MYOM2: variants seen among roughly 807,000 people sequenced by gnomAD.
The protein encoded by MYOM2 is myomesin 2.
MYOM2 carries 254 observed loss-of-function variants against 187.6 expected under a neutral mutation model. The ratio of observed to expected loss-of-function variants is 1.35; its 90% confidence interval spans 1.22 to 1.50. MYOM2 has a LOEUF of 1.50. Ranked by LOEUF, MYOM2 falls within the 40% of genes most tolerant of loss-of-function variation. The pLI is 0.00. For synonymous variants in MYOM2, 981 were observed against 753.8 expected, an observed-to-expected ratio of 1.30 and a Z score of -4.94; for missense variants, 2,796 against 1,924.0, an observed-to-expected ratio of 1.45 and a Z score of -8.48.
rs115410551 is a variant in MYOM2, at chr8:2,135,537, C to T, written c.3801-5186C>T. On this transcript the variant is annotated intron_variant, in intron 32 of 36. Transcript: ENST00000262113. ...ACCTGCCCCCGCCCCTTACCTGTCTCCTTCCTACCTACCCCGTCACAGTTG... is the reference window on the plus strand; with the variant it reads ...ACCTGCCCCCGCCCCTTACCTGTCTTCTTCCTACCTACCCCGTCACAGTTG... Among the ~76,000 whole-genome samples, 1,001 of 152,242 alleles carry T rather than the reference C, an allele frequency of 6.6e-3. 14 individuals are homozygous for T. The highest frequency in any genetic ancestry group is 0.023 in the African/African-American group (958 of 41,512).
chr8:2,091,254 G>T (rs532484625), intron 15 of MYOM2, among the ~76,000 whole-genome samples: 51 of 152,026 alleles, frequency 3.4e-4, no homozygotes, highest in Admixed American at 2.6e-3. Context: ...ATATTGCCCA[G>T]GCCAGTCTCG....
chr8:2,129,320 T>G (rs1163332791), intron 32 of MYOM2, 88 bp downstream of exon 32: 9 of 775,140 alleles, frequency 1.2e-5, no homozygotes, highest in Admixed American at 6.2e-5. Context: ...CTGGGGAACA[T>G]CAAGGCACTG....
intron 25 of MYOM2, among the ~76,000 whole-genome samples, chr8:2,115,032 A>C (rs1585930937): frequency 1.3e-5 from 2 of 149,776 alleles, no homozygotes; most frequent in South Asian, 4.2e-4. Context: ...TGATGTTTTG[A>C]AAGGTTTCAT....
chr8:2,131,268 G>A (rs1797856191), intron 32 of MYOM2, among the ~76,000 whole-genome samples: 1 of 152,300 alleles, frequency 6.6e-6, no homozygotes, highest in African/African-American at 2.4e-5. Context: ...CAAATACCCT[G>A]TGAGTTAGGT....
At chr8:2,051,970 A>G (rs1303664663) in intron 2 of MYOM2, among the ~76,000 whole-genome samples, 188 bp from the exon 3 acceptor site, 1 of 152,200 alleles carries the variant, frequency 6.6e-6, no homozygotes, top group African/African-American at 2.4e-5. Context: ...ATATGCATGC[A>G]TGTGTGTGCA....
chr8:2,100,126 TTCTTTCCTTCCTTCC>T (rs1796648466), intron 19 of MYOM2, among the ~76,000 whole-genome samples: 1 of 68,816 alleles, frequency 1.5e-5, no homozygotes, highest in African/African-American at 5.2e-5. Context: ...CCTTCCTTCC[TTCTTTCCTTCCTTCC>T]TTCCTTCCTT....
chr8:2,096,203 C>T, intron 17 of MYOM2, 44 bp from the exon 18 acceptor site: 1 of 1,584,666 alleles, frequency 6.3e-7, no homozygotes, highest in Non-Finnish European at 8.6e-7. Context: ...GACAAAGCCC[C>T]CAGCTGAGGC....
intron 20 of MYOM2, among the ~76,000 whole-genome samples, 167 bp from the exon 21 acceptor site, chr8:2,102,500 C>G (rs532722407): frequency 1.4e-5 from 2 of 142,936 alleles, no homozygotes; most frequent in South Asian, 4.8e-4. Context: ...CATTCTGCAC[C>G]ACTGTGAATC....
At chr8:2,051,478 G>A (rs7841247) in intron 2 of MYOM2, among the ~76,000 whole-genome samples, 7,135 of 152,274 alleles carry the variant, frequency 0.047, 217 homozygotes, top group Middle Eastern at 0.065. Context: ...TGTGGTGAAG[G>A]GAGGGAGGGA....
intron 24 of MYOM2, 70 bp downstream of exon 24, chr8:2,108,900 G>C: frequency 6.8e-7 from 1 of 1,465,024 alleles, no homozygotes; most frequent in Non-Finnish European, 9.5e-7. Context: ...ATTAATGCAT[G>C]AGCTCTTGGA....
At chr8:2,086,610 T>C (rs970519366) in intron 14 of MYOM2, among the ~76,000 whole-genome samples, 1 of 152,004 alleles carries the variant, frequency 6.6e-6, no homozygotes, top group African/African-American at 2.4e-5. Context: ...GAAAATGAGG[T>C]TAGGGCTGTG....
chr8:2,120,232 T>A (rs866586703), intron 28 of MYOM2, among the ~76,000 whole-genome samples: 2 of 151,824 alleles, frequency 1.3e-5, no homozygotes, highest in Non-Finnish European at 2.9e-5. Context: ...GAAGGGAAGA[T>A]GGAATAGGAA....
At chr8:2,113,973 G>A (rs575682833) in intron 25 of MYOM2, among the ~76,000 whole-genome samples, 4 of 152,344 alleles carry the variant, frequency 2.6e-5, no homozygotes, top group South Asian at 4.1e-4. Flanking sequence ...CAGACGGCAG[G>A]TGGATAGGTA....
intron 26 of MYOM2, 38 bp from the exon 27 acceptor site, chr8:2,116,178 A>G: frequency 6.2e-7 from 1 of 1,601,544 alleles, no homozygotes; most frequent in Non-Finnish European, 8.5e-7. Context: ...AGAGAAGCAA[A>G]CATGTTTCAT....
At chr8:2,058,934 TC>T (rs1198779977) in intron 5 of MYOM2, among the ~76,000 whole-genome samples, 1 of 152,174 alleles carries the variant, frequency 6.6e-6, no homozygotes, top group East Asian at 1.9e-4. Flanking sequence ...GAATGGGGAA[TC>T]CCCTGAGAGT....
intron 8 of MYOM2, among the ~76,000 whole-genome samples, chr8:2,071,710 A>G (rs1274774140): frequency 1.3e-5 from 2 of 152,136 alleles, no homozygotes; most frequent in Non-Finnish European, 1.5e-5. Context: ...CTGGAACAAC[A>G]CGCCATGGCC....
intron 33 of MYOM2, 118 bp from the exon 34 acceptor site, chr8:2,141,023 T>C (rs1798256376): frequency 5.3e-6 from 7 of 1,324,416 alleles, no homozygotes; most frequent in Admixed American, 5.1e-5. Flanking sequence ...AAAAAATAAA[T>C]TTATTCTTTT....
chr8:2,134,218 G>A (rs1225930896), intron 32 of MYOM2, among the ~76,000 whole-genome samples: 1 of 152,094 alleles, frequency 6.6e-6, no homozygotes, highest in Non-Finnish European at 1.5e-5. Flanking sequence ...CCTGGCTCCT[G>A]GTTTCCCCCC....
At chr8:2,094,228 T>G in intron 17 of MYOM2, 137 bp downstream of exon 17, 2 of 1,145,172 alleles carry the variant, frequency 1.7e-6, no homozygotes, top group Non-Finnish European at 2.4e-6. Context: ...GAACTTGAGT[T>G]TCTTTGAAGC....
Sources: gnomAD v4.1 joint callset for allele counts (sites outside exome capture counted in the v4.1 genomes callset) on GRCh38, gnomAD v4.1.1 for gene constraint, MANE v1.5 for transcripts, NCBI Gene and HGNC (gene_info 2026-07-23, HGNC 2026-07-21) for gene names.